Variants in C19orf38 observed in about 807,000 individuals in gnomAD.
C19orf38 encodes the protein chromosome 19 open reading frame 38, also known as protein HIDE1.
C19orf38 carries 14 observed loss-of-function variants against 26.6 expected under a neutral mutation model. The ratio of observed to expected loss-of-function variants is 0.53; its 90% CI spans 0.35 to 0.82. The LOEUF is 0.82. C19orf38 is among the 40% of genes least tolerant of loss of function. The pLI, the probability that C19orf38 is intolerant of heterozygous loss-of-function variation, is 0.01. For missense variants in C19orf38, 261 were observed against 299.5 expected (o/e 0.87, Z 0.95); for synonymous variants, 132 against 128.5 (o/e 1.03, Z -0.18).
chr19:10,861,147 A>C (rs182156334), intron 5 of C19orf38, among the ~76,000 whole-genome samples: 1 of 152,214 alleles, frequency 6.6e-6, no homozygotes, highest in Admixed American at 6.5e-5. Flanking sequence ...ATCTCAAAAA[A>C]GGAAGAAAGA....
At chr19:10,846,270 C>T (rs533928717), upstream of C19orf38, among the ~76,000 whole-genome samples, 21 of 151,850 alleles carry the variant, frequency 1.4e-4, no homozygotes, top group African/African-American at 4.8e-4. Flanking sequence ...GATCTCAGCT[C>T]ACTGCAAGCT....
At chr19:10,864,944 G>T (rs1338256220) in intron 6 of C19orf38, among the ~76,000 whole-genome samples, 1 of 152,204 alleles carries the variant, frequency 6.6e-6, no homozygotes, top group African/African-American at 2.4e-5. Flanking sequence ...TAGACTAGGA[G>T]TGCCTGGGAT....
At chr19:10,850,671 T>C (rs1008115515) in intron 2 of C19orf38, 104 bp downstream of exon 2, 6 of 1,241,172 alleles carry the variant, frequency 4.8e-6, no homozygotes, top group East Asian at 2.5e-5. Flanking sequence ...AAGCCAGGCT[T>C]ACACCCTGCC....
At chr19:10,854,476 C>T (rs1223757946) in intron 2 of C19orf38, among the ~76,000 whole-genome samples, 1 of 152,212 alleles carries the variant, frequency 6.6e-6, no homozygotes, top group Non-Finnish European at 1.5e-5. Context: ...CCTCAGGCTC[C>T]TCTATCAAAG....
upstream of C19orf38, among the ~76,000 whole-genome samples, chr19:10,847,298 T>G (rs913200925): frequency 6.6e-6 from 1 of 152,088 alleles, no homozygotes; most frequent in Non-Finnish European, 1.5e-5. Flanking sequence ...TAACTTTACC[T>G]TGTGAGCATG....
intron 6 of C19orf38, among the ~76,000 whole-genome samples, chr19:10,866,036 T>G (rs1208877475): frequency 1.3e-5 from 2 of 151,652 alleles, no homozygotes; most frequent in African/African-American, 4.8e-5. Flanking sequence ...TTTTTAAATT[T>G]TATTTTATTA....
At chr19:10,864,047 C>G (rs2073728734) in intron 6 of C19orf38, among the ~76,000 whole-genome samples, 1 of 152,090 alleles carries the variant, frequency 6.6e-6, no homozygotes, top group Admixed American at 6.6e-5. Context: ...ACAATATCCC[C>G]CAAAAGCAGA....
intron 1 of C19orf38, among the ~76,000 whole-genome samples, chr19:10,839,909 CAA>C (rs2073466932): frequency 2.0e-5 from 3 of 151,714 alleles, no homozygotes; most frequent in Admixed American, 6.6e-5. Context: ...TCTGTGGAGA[CAA>C]GAGGTCTCCC....
chr19:10,840,408 A>G (rs1036957125), intron 1 of C19orf38, among the ~76,000 whole-genome samples: 1 of 152,190 alleles, frequency 6.6e-6, no homozygotes, highest in Non-Finnish European at 1.5e-5. Context: ...CCCAAGTTCA[A>G]GTAATTCTCC....
chr19:10,863,199 G>T lies in C19orf38; in HGVS notation c.535G>T (p.Val179Phe). The change falls in exon 6 of 7, where the codon GTC becomes TTC. Residue 179 changes from valine (V) to phenylalanine (F), a missense_variant. Val to Phe is a conservative substitution (Grantham distance 50). Transcript: ENST00000397820. The stretch of plus-strand genomic sequence containing the variant: ...GTCCTTCGATAACTCCCTGTTTACC[G>T]TCTCCGCGGTGAGTGGTTCTTTTTC... ...DMSFDNSLFTVSAKTMPEEDP... is the reference protein window; with the variant it reads ...DMSFDNSLFTFSAKTMPEEDP... 1.3e-6 allele frequency: 2 copies of T among 1,551,322 alleles called. No individual in the cohort carries two copies. Among genetic ancestry groups the T allele is most frequent in the Non-Finnish European group, 8.7e-7 (1 of 1,146,766 alleles).
chr19:10,848,606 T>G, intron 1 of C19orf38, 67 bp downstream of exon 1: 2 of 1,307,728 alleles, frequency 1.5e-6, no homozygotes, highest in Non-Finnish European at 2.0e-6. Context: ...ACCTTGCCGC[T>G]CCAGGGGCAG....
At chr19:10,852,151 CA>C (rs980211918) in intron 2 of C19orf38, among the ~76,000 whole-genome samples, 2,746 of 138,574 alleles carry the variant, frequency 0.02, 87 homozygotes, top group African/African-American at 0.066. Context: ...GATTCTGTCT[CA>C]AAAAAAAAAA....
chr19:10,850,368 G>A lies in C19orf38; in HGVS notation c.141G>A (p.Ala47=), dbSNP rs562091272. 34 of 1,550,914 alleles carry A rather than the reference G, an allele frequency of 2.2e-5. No homozygotes were observed. The highest frequency in any genetic ancestry group is 2.0e-4 in the East Asian group (8 of 40,902). The change falls in exon 2 of 7, where the codon GCG becomes GCA. Residue 47 remains alanine, a synonymous_variant. Transcript: ENST00000397820. ...TGGCCCCTGGGAACTTCCCGGGGGC[G>A]AATTTCACACTGTATCGAGGGGGGC... The part of the protein sequence containing the change: ...ACMAPGNFPG[A]NFTLYRGGQV...
chr19:10,865,855 C>T (rs1024515391), intron 6 of C19orf38, among the ~76,000 whole-genome samples: 4 of 151,910 alleles, frequency 2.6e-5, no homozygotes, highest in Non-Finnish European at 5.9e-5. Flanking sequence ...CTCTGTCTCC[C>T]ACGCTGGAGT....
chr19:10,837,684 T>C (rs1394088345), intron 1 of C19orf38, among the ~76,000 whole-genome samples: 1 of 151,790 alleles, frequency 6.6e-6, no homozygotes, highest in African/African-American at 2.4e-5. Flanking sequence ...ATTTTTTGTA[T>C]TTTTAGTAGA....
chr19:10,838,739 G>A (rs2073456977), intron 1 of C19orf38, among the ~76,000 whole-genome samples: 1 of 152,056 alleles, frequency 6.6e-6, no homozygotes. Context: ...AAATACAGGG[G>A]GGTTTATAGA....
At chr19:10,855,383 G>T (rs1260617566) in intron 2 of C19orf38, among the ~76,000 whole-genome samples, 1 of 151,986 alleles carries the variant, frequency 6.6e-6, no homozygotes, top group Non-Finnish European at 1.5e-5. Flanking sequence ...TGTCACCCAG[G>T]CTGGAGTGCA....
upstream of C19orf38, among the ~76,000 whole-genome samples, chr19:10,844,954 T>A (rs952776336): frequency 2.0e-5 from 3 of 148,326 alleles, no homozygotes; most frequent in Non-Finnish European, 1.5e-5. Context: ...GCCCAGGAGT[T>A]TGAGACCAGC....
At chr19:10,840,320 GT>G (rs1246690098) in intron 1 of C19orf38, among the ~76,000 whole-genome samples, 1 of 151,854 alleles carries the variant, frequency 6.6e-6, no homozygotes, top group African/African-American at 2.4e-5. Context: ...TTTGCATTTT[GT>G]TTTTTGTTTT....
Sources: allele counts gnomAD v4.1 joint callset (sites outside exome capture counted in the v4.1 genomes callset), GRCh38; gene constraint gnomAD v4.1.1; transcripts MANE v1.5; gene names NCBI Gene and HGNC (gene_info 2026-07-23, HGNC 2026-07-21).